The following CIP2A variants were observed in gnomAD, a reference collection of about 807,000 sequenced individuals.
CIP2A encodes the protein cellular inhibitor of PP2A, also known as protein CIP2A.
Under a neutral mutation model 110.9 loss-of-function variants are expected in CIP2A, and 103 were observed. That is an observed-to-expected ratio of 0.93 (90% CI 0.79 to 1.09). CIP2A has a LOEUF of 1.09. CIP2A is among the 50% of genes least tolerant of loss of function. The probability of loss-of-function intolerance (pLI) is 0.00; values close to 1 mark genes in which losing one functional copy is unlikely to be tolerated. For missense variants in CIP2A, 1,088 were observed against 1,038.4 expected (o/e 1.05, Z -0.66); for synonymous variants, 381 against 361.6 (o/e 1.05, Z -0.61).
At chr3:108,577,644 A>G (rs1938708759) in intron 7 of CIP2A, among the ~76,000 whole-genome samples, 2 of 152,212 alleles carry the variant, frequency 1.3e-5, no homozygotes, top group South Asian at 4.1e-4. Flanking sequence ...CATGCCTGTA[A>G]TCCCAGCACT....
intron 8 of CIP2A, among the ~76,000 whole-genome samples, chr3:108,575,397 TTCAC>T (rs1400547485): frequency 6.7e-6 from 1 of 149,052 alleles, no homozygotes; most frequent in Non-Finnish European, 1.5e-5. Context: ...TGTATATATG[TTCAC>T]ATGTGTATGT....
Position 108,569,387 on chromosome 3 carries a change from A to G in CIP2A, c.1113+2T>C. 6.2e-7 allele frequency: 1 copy of G among 1,603,186 alleles called. No individual in the cohort carries two copies. The highest frequency in any genetic ancestry group is 8.5e-7 in the Non-Finnish European group (1 of 1,170,870). On this transcript the variant is annotated splice_donor_variant, in intron 9 of 20. Coordinates refer to ENST00000295746, the MANE Select transcript of CIP2A (RefSeq NM_020890.3). LOFTEE classifies it high-confidence loss of function. Reference sequence around the variant, plus strand: ...AAGTCAATCTGTCAGTCATCCTATTACCTCAAATATTTCCTTGAACAACTC... The same window carrying G: ...AAGTCAATCTGTCAGTCATCCTATTGCCTCAAATATTTCCTTGAACAACTC...
At chr3:108,583,667 A>G (rs538305169) in intron 2 of CIP2A, among the ~76,000 whole-genome samples, 2 of 152,314 alleles carry the variant, frequency 1.3e-5, no homozygotes, top group Admixed American at 1.3e-4. Flanking sequence ...ATTAATGGAT[A>G]TAAACACACA....
At chr3:108,556,211 T>A (rs998350508) in intron 17 of CIP2A, among the ~76,000 whole-genome samples, 1 of 152,200 alleles carries the variant, frequency 6.6e-6, no homozygotes, top group African/African-American at 2.4e-5. Flanking sequence ...CCTTCATTAT[T>A]ATTGATGGGA....
In CIP2A at chr3:108,566,550, T is replaced by C. The variant is rs753695683; in HGVS notation, c.1362A>G (p.Thr454=). The stretch of plus-strand genomic sequence containing the variant: ...CAAATCCCAGGTCAATCTTGCCATA[T>C]GTAAATTGTTGTTCTATAAGAGTGG... The part of the protein sequence containing the change: ...KCTTLIEQQF[T]YGKIDLGFGT... The change falls in exon 11 of 21, where the codon ACA becomes ACG. Residue 454 remains threonine (T), a synonymous_variant. Coordinates refer to ENST00000295746, the MANE Select transcript of CIP2A (RefSeq NM_020890.3). 6 of 1,607,910 alleles carry C rather than the reference T, an allele frequency of 3.7e-6. No homozygotes were observed. Among genetic ancestry groups the C allele is most frequent in the South Asian group, 3.3e-5 (3 of 90,136 alleles).
chr3:108,568,367 C>A, intron 9 of CIP2A, 53 bp from the exon 10 acceptor site: 2 of 1,455,472 alleles, frequency 1.4e-6, no homozygotes, highest in Non-Finnish European at 1.9e-6. Context: ...ATATACAATA[C>A]AGAAAAAGTC....
chr3:108,555,741 T>C (rs76539328), intron 17 of CIP2A, among the ~76,000 whole-genome samples: 2,779 of 152,334 alleles, frequency 0.018, 63 homozygotes, highest in African/African-American at 0.06. Context: ...TCTTTGGGTC[T>C]ACCCATGACC....
intron 8 of CIP2A, among the ~76,000 whole-genome samples, chr3:108,570,826 A>G (rs938839148): frequency 6.6e-6 from 1 of 152,168 alleles, no homozygotes; most frequent in Non-Finnish European, 1.5e-5. Context: ...TAATAAATTA[A>G]CCTTAGCTTA....
chr3:108,566,130 A>T (rs1225573655), intron 11 of CIP2A, among the ~76,000 whole-genome samples: 2 of 151,738 alleles, frequency 1.3e-5, no homozygotes, highest in Non-Finnish European at 3.0e-5. Context: ...GCAGTGACTG[A>T]TTTCCTTGTA....
chr3:108,551,155 A>G lies in CIP2A; in HGVS notation c.2712T>C (p.Ser904=). Residue 904 remains serine (S), a synonymous_variant, in exon 21 of 21, where the codon AGT becomes AGC. Transcript: ENST00000295746. The part of the protein sequence containing the change: ...GKINPETVNL[S]I The stretch of plus-strand genomic sequence containing the variant: ...TTCCAAAATGCCATAATGTCTATAT[A>G]CTGAGATTCACAGTTTCTGGATTTA... The G allele has an allele frequency of 6.3e-7, 1 of 1,585,194 alleles. No individual in the cohort carries two copies. The highest frequency in any genetic ancestry group is 8.6e-7 in the Non-Finnish European group (1 of 1,163,330).
At chr3:108,581,209 A>C (rs941883341) in intron 5 of CIP2A, among the ~76,000 whole-genome samples, 3 of 152,248 alleles carry the variant, frequency 2.0e-5, no homozygotes, top group African/African-American at 7.2e-5. Flanking sequence ...TTAACCCTTA[A>C]CACACAGTCT....
chr3:108,577,988 T>C (rs1217570458), intron 7 of CIP2A, among the ~76,000 whole-genome samples: 4 of 152,180 alleles, frequency 2.6e-5, no homozygotes, highest in African/African-American at 9.6e-5. Context: ...CAGGTAAAGT[T>C]GTGTGATTTT....
intron 7 of CIP2A, among the ~76,000 whole-genome samples, chr3:108,578,393 T>C (rs1041323487): frequency 6.6e-6 from 1 of 152,206 alleles, no homozygotes; most frequent in African/African-American, 2.4e-5. Flanking sequence ...CTAGAGATTC[T>C]TAAGAGAAGA....
intron 1 of CIP2A, 78 bp downstream of exon 1, chr3:108,589,196 C>A: frequency 1.9e-6 from 2 of 1,042,428 alleles, no homozygotes; most frequent in South Asian, 1.4e-5. Context: ...CAGGCTGGGG[C>A]CGCCACTCCT....
At chr3:108,572,199 C>T (rs1938423017) in intron 8 of CIP2A, among the ~76,000 whole-genome samples, 2 of 151,860 alleles carry the variant, frequency 1.3e-5, no homozygotes, top group African/African-American at 4.8e-5. Context: ...TTTAATGTAG[C>T]CCAACTTATC....
Position 108,557,337 on chromosome 3 carries a change from T to C in CIP2A, c.2091A>G (p.Gln697=), listed in dbSNP as rs1168507043. 3.7e-6 allele frequency: 6 copies of C among 1,612,806 alleles called. No individual in the cohort carries two copies. Among genetic ancestry groups the C allele is most frequent in the Non-Finnish European group, 5.1e-6 (6 of 1,179,158 alleles). ...EELSVLLKAQ[Q]VESERAQSDI... is the part of the protein sequence containing the mutation. ...CACTCTGCGCTCTTTCTGATTCAAC[T>C]TGCTGCGCCTTCAGCAACACACTAA... The change falls in exon 17 of 21, where the codon CAA becomes CAG. Residue 697 remains glutamine, a synonymous_variant. Coordinates refer to ENST00000295746, the MANE Select transcript of CIP2A (RefSeq NM_020890.3).
rs530625407 is a variant in CIP2A at position 108,571,214 on chromosome 3, G to A, written c.895-1607C>T. Among the ~76,000 whole-genome samples, 201 of 152,228 alleles carry A rather than the reference G, an allele frequency of 1.3e-3. 1 individual carries two copies. In the Middle Eastern group the frequency reaches 0.014, roughly 10 times the overall value. On this transcript the variant is annotated intron_variant, in intron 8 of 20. Coordinates refer to ENST00000295746, the MANE Select transcript of CIP2A (RefSeq NM_020890.3). ...TGTTTTACAGTTAACTTTTTTATAA[G>A]TAGAAGTACACTCTAAAATAACAAA...
chr3:108,574,103 T>C (rs1938486802), intron 8 of CIP2A, among the ~76,000 whole-genome samples: 3 of 152,192 alleles, frequency 2.0e-5, no homozygotes, highest in South Asian at 2.1e-4. Flanking sequence ...ACTCACAGAA[T>C]GGAAGAAAAT....
At chr3:108,573,057 T>C (rs919466238) in intron 8 of CIP2A, among the ~76,000 whole-genome samples, 1 of 152,098 alleles carries the variant, frequency 6.6e-6, no homozygotes, top group African/African-American at 2.4e-5. Context: ...AATGAGATAA[T>C]GTAATTTTTC....
Sources: gnomAD v4.1 joint callset for allele counts (sites outside exome capture counted in the v4.1 genomes callset) on GRCh38, gnomAD v4.1.1 for gene constraint, MANE v1.5 for transcripts, NCBI Gene and HGNC (gene_info 2026-07-23, HGNC 2026-07-21) for gene names.